The following CDH12 variants were observed in gnomAD, a reference collection of about 807,000 sequenced individuals.
CDH12 encodes the protein cadherin-12.
CDH12 carries 41 observed loss-of-function variants against 74.1 expected under a neutral mutation model. The ratio of observed to expected loss-of-function variants is 0.55; its 90% CI spans 0.43 to 0.72. The LOEUF (loss-of-function observed/expected upper bound fraction) is 0.72, where lower values mean the gene tolerates loss of function less well. Among genes scored for constraint, CDH12 ranks in the 30% least tolerant of loss-of-function variants. The pLI is 0.00. For synonymous variants in CDH12, 399 were observed against 355.0 expected, an observed-to-expected ratio of 1.12 and a Z score of -1.39; for missense variants, 945 against 977.2, an observed-to-expected ratio of 0.97 and a Z score of 0.44.
intron 1 of CDH12, among the ~76,000 whole-genome samples, chr5:22,533,840 G>T (rs1006311035): frequency 6.6e-6 from 1 of 152,078 alleles, no homozygotes; most frequent in East Asian, 1.9e-4. Context: ...ATTGTTTAGA[G>T]TTATACACAT....
At chr5:21,983,661 G>T (rs1047094049) in intron 5 of CDH12, among the ~76,000 whole-genome samples, 3 of 151,996 alleles carry the variant, frequency 2.0e-5, no homozygotes, top group Admixed American at 6.6e-5. Flanking sequence ...CCTGTCCTTG[G>T]TTTTTTGTGT....
chr5:22,265,116 C>A (rs1262665932), intron 3 of CDH12, among the ~76,000 whole-genome samples: 1 of 152,048 alleles, frequency 6.6e-6, no homozygotes, highest in Non-Finnish European at 1.5e-5. Context: ...GAGCTCTAGC[C>A]AGAGAACAGC....
intron 9 of CDH12, among the ~76,000 whole-genome samples, chr5:21,816,624 CAAAA>C (rs542222336): frequency 1.1e-3 from 19 of 17,950 alleles, no homozygotes; most frequent in South Asian, 6.5e-3. Flanking sequence ...AACTCCATCT[CAAAA>C]AAAAAAAAAA....
rs116425585 is a variant in CDH12, at chr5:21,794,014, A to G, written c.1256+8153T>C. 2.7e-3 allele frequency among the ~76,000 whole-genome samples: 415 copies of G among 151,500 alleles called. 2 individuals carry two copies. The highest frequency in any genetic ancestry group is 9.8e-3 in the African/African-American group (406 of 41,484). On this transcript the variant is annotated intron_variant, in intron 10 of 14. Transcript: ENST00000382254. Reference sequence around the variant, plus strand: ...TTAATTTAAAAATTTTTCTTGATGTAGAAGATATATTCTAGTGTATAATGC... The same window carrying G: ...TTAATTTAAAAATTTTTCTTGATGTGGAAGATATATTCTAGTGTATAATGC...
intron 1 of CDH12, among the ~76,000 whole-genome samples, chr5:22,743,935 G>A (rs891659139): frequency 1.3e-5 from 2 of 151,262 alleles, no homozygotes; most frequent in Non-Finnish European, 2.9e-5. Flanking sequence ...TTCTACTGTT[G>A]GGCATTTTGT....
intron 6 of CDH12, among the ~76,000 whole-genome samples, chr5:21,945,427 CAAAAAAAAAAAAAAAAA>C (rs1167475672): frequency 1.3e-4 from 2 of 15,518 alleles, no homozygotes; most frequent in East Asian, 3.6e-3. Flanking sequence ...CTGTTTCAGA[CAAAAAAAAAAAAAAAAA>C]AAAAAAAAAA....
chr5:21,803,337 T>G (rs59444556), intron 9 of CDH12, among the ~76,000 whole-genome samples: 1,940 of 152,060 alleles, frequency 0.013, 45 homozygotes, highest in African/African-American at 0.043. Flanking sequence ...AAAAGAATTT[T>G]TGTGTGTGTG....
chr5:21,873,212 TCTCCATTATAC>T (rs1218926128), intron 6 of CDH12, among the ~76,000 whole-genome samples: 12 of 152,122 alleles, frequency 7.9e-5, no homozygotes, highest in African/African-American at 2.9e-4. Context: ...TATATCACCA[TCTCCATTATAC>T]CTCCATGTAC....
intron 3 of CDH12, among the ~76,000 whole-genome samples, chr5:22,348,706 G>A (rs1740230021): frequency 1.3e-5 from 2 of 152,112 alleles, no homozygotes; most frequent in South Asian, 4.1e-4. Flanking sequence ...GGTACTAATG[G>A]TATCAGCCTA....
intron 6 of CDH12, among the ~76,000 whole-genome samples, chr5:21,913,576 ATTAAT>A (rs1753956786): frequency 6.6e-6 from 1 of 152,136 alleles, no homozygotes; most frequent in South Asian, 2.1e-4. Context: ...TATTTTATAA[ATTAAT>A]TTATTTTTAA....
intron 1 of CDH12, among the ~76,000 whole-genome samples, chr5:22,777,845 G>A (rs777786930): frequency 6.6e-6 from 1 of 151,758 alleles, no homozygotes; most frequent in Non-Finnish European, 1.5e-5. Flanking sequence ...ATGGAGTCTC[G>A]CTCTATCAAC....
intron 4 of CDH12, among the ~76,000 whole-genome samples, chr5:22,133,442 C>A (rs1308173705): frequency 6.6e-6 from 1 of 152,072 alleles, no homozygotes; most frequent in African/African-American, 2.4e-5. Context: ...ATTTTAGAAA[C>A]TAGTTAAAAG....
chr5:22,134,660 C>T (rs1214230448), intron 4 of CDH12, among the ~76,000 whole-genome samples: 3 of 144,856 alleles, frequency 2.1e-5, no homozygotes, highest in Admixed American at 7.1e-5. Context: ...ATTCTTCAGC[C>T]CAGAGCTTTA....
intron 2 of CDH12, among the ~76,000 whole-genome samples, chr5:22,468,545 T>C (rs891743853): frequency 6.6e-6 from 1 of 152,134 alleles, no homozygotes; most frequent in African/African-American, 2.4e-5. Context: ...CCAGTCCCCT[T>C]CTTGAGAATA....
intron 1 of CDH12, among the ~76,000 whole-genome samples, chr5:22,586,455 T>C (rs1276867565): frequency 6.6e-6 from 1 of 150,878 alleles, no homozygotes; most frequent in Non-Finnish European, 1.5e-5. Context: ...ACCTGCACAT[T>C]GTGCACATGT....
intron 1 of CDH12, among the ~76,000 whole-genome samples, chr5:22,697,557 G>A (rs1246930630): frequency 2.2e-5 from 3 of 134,746 alleles, no homozygotes; most frequent in South Asian, 2.4e-4. Context: ...GGGCGACAGA[G>A]CGAGACTCTG....
At chr5:22,497,657 T>TTC (rs1286979364) in intron 2 of CDH12, among the ~76,000 whole-genome samples, 2 of 145,948 alleles carry the variant, frequency 1.4e-5, no homozygotes, top group Non-Finnish European at 3.0e-5. Flanking sequence ...TTTTTTTTTT[T>TTC]TTTGAGATGT....
chr5:22,116,570 A>C (rs1345164968), intron 4 of CDH12, among the ~76,000 whole-genome samples: 1 of 151,256 alleles, frequency 6.6e-6, no homozygotes, highest in African/African-American at 2.4e-5. Context: ...GTGCCAATGC[A>C]CTCCAGCCTG....
intron 8 of CDH12, among the ~76,000 whole-genome samples, chr5:21,837,468 GTTTT>G (rs11321099): frequency 5.8e-5 from 8 of 139,108 alleles, no homozygotes; most frequent in African/African-American, 1.9e-4. Flanking sequence ...CTGGAGAAAG[GTTTT>G]TTTTTTTTTT....
Sources: gnomAD v4.1 joint callset for allele counts (sites outside exome capture counted in the v4.1 genomes callset) on GRCh38, gnomAD v4.1.1 for gene constraint, MANE v1.5 for transcripts, NCBI Gene and HGNC (gene_info 2026-07-23, HGNC 2026-07-21) for gene names.